Variants in DPP10 observed in about 807,000 individuals in gnomAD.
DPP10 encodes the protein dipeptidyl peptidase like 10.
DPP10 carries 33 observed loss-of-function variants against 120.9 expected under a neutral mutation model. The observed-to-expected ratio is 0.27, with a 90% CI of 0.21 to 0.37. DPP10 has a LOEUF of 0.37. Ranked by LOEUF, DPP10 falls within the 10% of genes least tolerant of loss-of-function variation. The probability of loss-of-function intolerance (pLI) is 1.00; values close to 1 mark genes in which losing one functional copy is unlikely to be tolerated. For missense variants in DPP10, 816 were observed against 942.8 expected (o/e 0.87, Z 1.76); for synonymous variants, 337 against 326.1 (o/e 1.03, Z -0.36).
At chr2:114,870,530 A>ACAAGACTTTATTCCCATGAAAAATTTAC (rs146055940) in intron 1 of DPP10, among the ~76,000 whole-genome samples, 4 of 141,448 alleles carry the variant, frequency 2.8e-5, no homozygotes, top group Admixed American at 1.5e-4. Flanking sequence ...GAAGCTACAA[A>ACAAGACTTTATTCCCATGAAAAATTTAC]AAGTAGTCAG....
chr2:115,247,983 G>C (rs1202113293), intron 1 of DPP10, among the ~76,000 whole-genome samples: 1 of 151,984 alleles, frequency 6.6e-6, no homozygotes, highest in Non-Finnish European at 1.5e-5. Context: ...GGAATATCAT[G>C]TCTCCTTTGC....
At chr2:115,441,794 AC>A (rs1375884381) in intron 3 of DPP10, among the ~76,000 whole-genome samples, 1 of 150,560 alleles carries the variant, frequency 6.6e-6, no homozygotes, top group East Asian at 1.9e-4. Context: ...CTATGTCAAG[AC>A]AAGTTTCTTT....
intron 1 of DPP10, among the ~76,000 whole-genome samples, chr2:114,658,972 G>A (rs2105532335): frequency 6.6e-6 from 1 of 152,248 alleles, no homozygotes; most frequent in Non-Finnish European, 1.5e-5. Context: ...TCTCGTGATG[G>A]TGAGTAAGTT....
At chr2:114,722,390 T>C (rs1189084531) in intron 1 of DPP10, among the ~76,000 whole-genome samples, 1 of 152,194 alleles carries the variant, frequency 6.6e-6, no homozygotes, top group Non-Finnish European at 1.5e-5. Flanking sequence ...GAAAATATCA[T>C]TCTTTTTTTA....
chr2:115,202,094 T>C (rs1274010864), intron 1 of DPP10, among the ~76,000 whole-genome samples: 1 of 152,192 alleles, frequency 6.6e-6, no homozygotes, highest in African/African-American at 2.4e-5. Context: ...CAGATGCATT[T>C]TCATTATTTA....
intron 7 of DPP10, among the ~76,000 whole-genome samples, chr2:115,696,037 A>AT (rs2091568931): frequency 6.6e-6 from 1 of 152,128 alleles, no homozygotes. Flanking sequence ...TGAAGATAAG[A>AT]CAAGTGAAAT....
At chr2:115,674,810 TA>T (rs1559013687) in intron 5 of DPP10, among the ~76,000 whole-genome samples, 17 of 152,298 alleles carry the variant, frequency 1.1e-4, no homozygotes, top group Non-Finnish European at 2.2e-4. Flanking sequence ...AGTAGAGTGT[TA>T]CCTTTGCTAT....
intron 4 of DPP10, among the ~76,000 whole-genome samples, chr2:115,499,895 A>G (rs1460508231): frequency 6.6e-6 from 1 of 152,064 alleles, no homozygotes; most frequent in Non-Finnish European, 1.5e-5. Flanking sequence ...CATTAGTCAT[A>G]CAAATACCAA....
intron 3 of DPP10, among the ~76,000 whole-genome samples, chr2:115,437,332 A>G (rs1400817901): frequency 2.6e-5 from 4 of 151,984 alleles, no homozygotes; most frequent in African/African-American, 9.7e-5. Context: ...AGCATTAGAG[A>G]AGAAATATAT....
chr2:115,189,568 G>T (rs777327068), intron 1 of DPP10, among the ~76,000 whole-genome samples: 24 of 152,016 alleles, frequency 1.6e-4, no homozygotes, highest in Non-Finnish European at 3.4e-4. Flanking sequence ...AGAAACTTGG[G>T]GTTCACTATA....
chr2:115,485,282 A>C (rs982711026), intron 3 of DPP10, among the ~76,000 whole-genome samples: 1 of 150,490 alleles, frequency 6.6e-6, no homozygotes, highest in Non-Finnish European at 1.5e-5. Context: ...AAGCCTACAT[A>C]TGCTTGAGAA....
chr2:114,701,478 G>T (rs567998040), intron 1 of DPP10, among the ~76,000 whole-genome samples: 3 of 152,040 alleles, frequency 2.0e-5, no homozygotes, highest in Non-Finnish European at 4.4e-5. Flanking sequence ...AAGGCAAAGC[G>T]CTATATAATT....
At chr2:114,532,256 CATAT>C (rs66716319) in intron 1 of DPP10, among the ~76,000 whole-genome samples, 1,404 of 85,798 alleles carry the variant, frequency 0.016, 40 homozygotes, top group African/African-American at 0.056. Context: ...AATAAATCTC[CATAT>C]ATATATATAT....
At chr2:114,625,546 A>G (rs1034513985) in intron 1 of DPP10, among the ~76,000 whole-genome samples, 1 of 151,990 alleles carries the variant, frequency 6.6e-6, no homozygotes, top group African/African-American at 2.4e-5. Context: ...TTCCCTTATC[A>G]GCTACTTGGT....
At position 115,842,453 on chromosome 2, in the gene DPP10, A is replaced by T. The variant is rs1038090314; in HGVS notation, c.*108A>T. The T allele has an allele frequency of 7.5e-7, 1 of 1,340,258 alleles. No homozygotes were observed. Among genetic ancestry groups the T allele is most frequent in the Admixed American group, 2.0e-5 (1 of 49,814 alleles). 83.0% of individuals were successfully genotyped at this position (1,340,258 alleles called of 1,614,324 possible). ...AGAATGTCAAGGGCAGCTTACGGAG[A>T]TGTCACTGGAGCAGCACGCTCAGAG... On this transcript the variant is annotated 3_prime_UTR_variant, in exon 26 of 26. Coordinates refer to ENST00000410059, the MANE Select transcript of DPP10 (RefSeq NM_020868.6).
rs67633094 is a variant in DPP10, at chr2:115,523,396, CAAAAAAAAAAAAA to C, written c.367-2488_367-2476del. On this transcript the variant is annotated intron_variant, in intron 4 of 25. Transcript: ENST00000410059. The stretch of plus-strand genomic sequence containing the variant: ...TTCAGACTTTAGTCAGAGAAGCTCT[CAAAAAAAAAAAAA>C]AAAAAAAAAAAAACCCTCCTGCTAG... 7.2e-5 allele frequency among the ~76,000 whole-genome samples: 5 copies of C among 69,166 alleles called. No individual in the cohort carries two copies. In the Admixed American group the frequency reaches 1.1e-3, roughly 15 times the overall value. The allele number at this position is 69,166 out of a possible 152,430, so 45.4% of individuals were successfully genotyped here.
At chr2:115,222,316 A>G (rs1257117467) in intron 1 of DPP10, among the ~76,000 whole-genome samples, 1 of 152,136 alleles carries the variant, frequency 6.6e-6, no homozygotes, top group Non-Finnish European at 1.5e-5. Flanking sequence ...CTCATTGGTA[A>G]TTTGATTTGA....
intron 1 of DPP10, among the ~76,000 whole-genome samples, chr2:114,507,298 C>T (rs1683758578): frequency 6.6e-6 from 1 of 152,138 alleles, no homozygotes; most frequent in Non-Finnish European, 1.5e-5. Context: ...ATCCACATGC[C>T]TCAGCCTCCT....
At chr2:114,623,246 A>G (rs1694235959) in intron 1 of DPP10, among the ~76,000 whole-genome samples, 1 of 152,124 alleles carries the variant, frequency 6.6e-6, no homozygotes, top group South Asian at 2.1e-4. Flanking sequence ...TATGTTTGTG[A>G]TAAAAAGAAA....
Sources: allele counts gnomAD v4.1 joint callset (sites outside exome capture counted in the v4.1 genomes callset), GRCh38; gene constraint gnomAD v4.1.1; transcripts MANE v1.5; gene names NCBI Gene and HGNC (gene_info 2026-07-23, HGNC 2026-07-21).